TRPM2: variants seen among roughly 807,000 people sequenced by gnomAD.
TRPM2 encodes transient receptor potential cation channel subfamily M member 2.
Under a neutral mutation model 174.0 loss-of-function variants are expected in TRPM2, and 161 were observed. The observed-to-expected ratio is 0.93, with a 90% confidence interval of 0.81 to 1.05. The LOEUF (loss-of-function observed/expected upper bound fraction) is 1.05. Among genes scored for constraint, TRPM2 ranks in the 50% least tolerant of loss-of-function variants. The pLI, the probability that TRPM2 is intolerant of heterozygous loss-of-function variation, is 0.00. For synonymous variants in TRPM2, 954 were observed against 861.3 expected, an observed-to-expected ratio of 1.11 and a Z score of -1.88; for missense variants, 2,057 against 2,038.0, an observed-to-expected ratio of 1.01 and a Z score of -0.18.
Position 44,382,730 on chromosome 21 carries a change from G to A in TRPM2, c.1228G>A (p.Val410Ile), listed in dbSNP as rs758657148. Residue 410 changes from valine to isoleucine, a missense_variant, in exon 9 of 32, where the codon GTC becomes ATC. Physicochemically the swap from Val to Ile is conservative, Grantham distance 29 (BLOSUM62 3). Transcript: ENST00000397928. ...ATGCTTGTTGCAGATCCAAGATATC[G>A]TCCGGAGGCGGCAGCTGCTGACTGT... ...VEWTKKIQDIVRRRQLLTVFR... is the reference protein window; with the variant it reads ...VEWTKKIQDIIRRRQLLTVFR... 7.4e-6 allele frequency: 12 copies of A among 1,613,902 alleles called. No homozygotes were observed. The highest frequency in any genetic ancestry group is 2.2e-5 in the East Asian group (1 of 44,886).
At chr21:44,397,643 A>G in intron 12 of TRPM2, 104 bp from the exon 13 acceptor site, 1 of 1,324,606 alleles carries the variant, frequency 7.5e-7, no homozygotes, top group Non-Finnish European at 1.0e-6. Flanking sequence ...AGTGGCCCGC[A>G]CTGTCCCCGG....
At chr21:44,388,353 G>A (rs1396192412) in intron 9 of TRPM2, among the ~76,000 whole-genome samples, 1 of 152,178 alleles carries the variant, frequency 6.6e-6, no homozygotes, top group Non-Finnish European at 1.5e-5. Flanking sequence ...CCCTGGAGTA[G>A]TCAAATTCAT....
chr21:44,416,201 G>A (rs1180514341), intron 20 of TRPM2: 1 of 152,238 alleles, frequency 6.6e-6, no homozygotes, highest in East Asian at 1.9e-4. Flanking sequence ...GTGCTACCCA[G>A]GACTCTGAAA....
intron 18 of TRPM2, 67 bp from the exon 19 acceptor site, chr21:44,406,527 C>A: frequency 2.0e-6 from 3 of 1,523,118 alleles, no homozygotes; most frequent in Non-Finnish European, 2.6e-6. Context: ...CGCTGCTGGG[C>A]CTGCCTCTGG....
At chr21:44,398,391 G>C (rs887072919) in intron 13 of TRPM2, among the ~76,000 whole-genome samples, 3 of 151,994 alleles carry the variant, frequency 2.0e-5, no homozygotes, top group Non-Finnish European at 2.9e-5. Flanking sequence ...AATAGAGATG[G>C]GGTTTCATCA....
Position 44,413,981 on chromosome 21 carries a change from C to T in TRPM2, c.3053C>T (p.Pro1018Leu), listed in dbSNP as rs145947009. The T allele has an allele frequency of 4.9e-4, 797 of 1,613,950 alleles. 15 individuals carry two copies. In the East Asian group the frequency reaches 0.013, roughly 26 times the overall value. ...GAGAGCGACGCGACGCAGCAGAGGC[C>T]GGCCTTCCCTGAGTGGCTGACGGTC... Reference protein sequence around the residue: ...CPESDATQQRPAFPEWLTVLL... With the variant: ...CPESDATQQRLAFPEWLTVLL... The change falls in exon 20 of 32, where the codon CCG (proline) becomes CTG (leucine). Residue 1018 changes from proline to leucine, a missense_variant. Transcript: ENST00000397928.
At chr21:44,401,958 A>T (rs2049635474) in intron 16 of TRPM2, 61 bp downstream of exon 16, 2 of 1,583,432 alleles carry the variant, frequency 1.3e-6, no homozygotes, top group African/African-American at 2.7e-5. Flanking sequence ...CTGCATTCTC[A>T]TAGGGGACCC....
chr21:44,410,664 A>G (rs542740493), intron 19 of TRPM2, among the ~76,000 whole-genome samples: 2 of 57,240 alleles, frequency 3.5e-5, no homozygotes, highest in African/African-American at 5.2e-5. Context: ...TGTCTTGGTG[A>G]GCGTAGCCTT....
chr21:44,399,265 GC>G lies in TRPM2; in HGVS notation c.2063-30del. On this transcript the variant is annotated intron_variant, in intron 13 of 31. Transcript: ENST00000397928. This position sits in a 1 kb window ranked among gnomAD's most constrained non-coding sequence, Gnocchi z 4.6. ...CAGGGCTCAGTGATTGTGACCTGCT[GC>G]TCTGACGGGGCTCTCATATCTCCGC... 4.4e-6 allele frequency: 7 copies of G among 1,599,052 alleles called. No individual in the cohort carries two copies. The highest frequency in any genetic ancestry group is 6.0e-6 in the Non-Finnish European group (7 of 1,171,174).
At position 44,442,459 on chromosome 21, in the gene TRPM2, A is replaced by G. The variant is rs1199825698; in HGVS notation, c.*642A>G. ...CCCAGGGACCCTGGGACGAGGCTGC[A>G]GAAGCTCTCCCTCCCTACTCCCTGG... On this transcript the variant is annotated 3_prime_UTR_variant, in exon 32 of 32. Transcript: ENST00000397928. The G allele has an allele frequency of 1.3e-5, 2 of 152,284 alleles. No homozygotes were observed. Among genetic ancestry groups the G allele is most frequent in the African/African-American group, 4.8e-5 (2 of 41,476 alleles). 9.4% of individuals were successfully genotyped at this position (152,284 alleles called of 1,614,324 possible).
chr21:44,418,014 C>G lies in TRPM2; in HGVS notation c.3234C>G (p.Pro1078=), dbSNP rs144487473. The change falls in exon 21 of 32, where the codon CCC becomes CCG. Residue 1078 remains proline (P), a synonymous_variant. Transcript: ENST00000397928. ...HDLIEEYHGR[P]AAPPPFILLS... ...TGATCGAGGAGTACCACGGCCGCCC[C>G]GCCGCGCCGCCCCCCTTCATCCTCC... is the stretch of plus-strand genomic sequence containing the variant. 1.2e-6 allele frequency: 2 copies of G among 1,612,998 alleles called. No individual in the cohort carries two copies. Among genetic ancestry groups the G allele is most frequent in the East Asian group, 4.5e-5 (2 of 44,874 alleles).
At chr21:44,384,108 C>A (rs2048956098) in intron 9 of TRPM2, among the ~76,000 whole-genome samples, 1 of 152,012 alleles carries the variant, frequency 6.6e-6, no homozygotes, top group Non-Finnish European at 1.5e-5. Context: ...ACACATTTAG[C>A]TAACTGGACT....
Position 44,397,815 on chromosome 21 carries a change from G to A in TRPM2, c.2001G>A (p.Glu667=), listed in dbSNP as rs199934335. 62 of 1,608,518 alleles carry A rather than the reference G, an allele frequency of 3.9e-5. No homozygotes were observed. Among genetic ancestry groups the A allele is most frequent in the Admixed American group, 3.5e-4 (21 of 59,596 alleles). ...KILKELSKEE[E]DTDSSEEMLA... is the part of the protein sequence containing the mutation. ...TGAAGGAACTGTCCAAGGAGGAGGAGGACACGGACAGCTCGGAGGAGATGC... is the reference window on the plus strand; with the variant it reads ...TGAAGGAACTGTCCAAGGAGGAGGAAGACACGGACAGCTCGGAGGAGATGC... The change falls in exon 13 of 32, where the codon GAG becomes GAA. Residue 667 remains glutamate, a synonymous_variant. Transcript: ENST00000397928.
In TRPM2 at chr21:44,373,540, C is replaced by T. The variant is rs1292757466; in HGVS notation, c.772-2293C>T. ...CGAACAGTGAATCTCTTTTCATTTT[C>T]TGCATTATATGCGACCTGCATTATA... On this transcript the variant is annotated intron_variant, in intron 5 of 31. Coordinates refer to ENST00000397928, the MANE Select transcript of TRPM2 (RefSeq NM_003307.4). Among the ~76,000 whole-genome samples the T allele has an allele frequency of 2.9e-5, 3 of 103,196 alleles. No homozygotes were observed. In the East Asian group the frequency reaches 8.1e-4, roughly 28 times the overall value. The allele number at this position is 103,196 out of a possible 152,430, so 67.7% of individuals were successfully genotyped here. A position where few individuals can be genotyped will look rare whatever the true frequency, so the allele number is the denominator to read the frequency against.
At position 44,391,237 on chromosome 21, in the gene TRPM2, A is replaced by G. The variant is rs373421335; in HGVS notation, c.1441-35A>G. 3.3e-4 allele frequency: 520 copies of G among 1,585,344 alleles called. 1 individual carries two copies. Among genetic ancestry groups the G allele is most frequent in the Non-Finnish European group, 4.1e-4 (475 of 1,161,030 alleles). The stretch of plus-strand genomic sequence containing the variant: ...ATCAGGATGACATGGGGTGATGACC[A>G]AATGCAACCGTCACTGCACAATGCT... On this transcript the variant is annotated intron_variant, in intron 10 of 31. Transcript: ENST00000397928. This position sits in a 1 kb window ranked among gnomAD's most constrained non-coding sequence, Gnocchi z 5.0.
intron 9 of TRPM2, among the ~76,000 whole-genome samples, chr21:44,389,825 T>C (rs558189208): frequency 5.4e-4 from 82 of 152,304 alleles, no homozygotes; most frequent in South Asian, 1.7e-3. Flanking sequence ...GTGTGTAGTT[T>C]CCTTTCATAT....
intron 27 of TRPM2, among the ~76,000 whole-genome samples, chr21:44,428,708 TGTGGCTCCTCCCTG>T (rs1407521148): frequency 0.087 from 2,641 of 30,350 alleles, 67 homozygotes; most frequent in Non-Finnish European, 0.18. Context: ...TCCCCTGAGA[TGTGGCTCCTCCCTG>T]AGGTGTGGCT....
chr21:44,419,911 A>C (rs1284261764), intron 22 of TRPM2, among the ~76,000 whole-genome samples: 1 of 121,970 alleles, frequency 8.2e-6, no homozygotes, highest in African/African-American at 3.2e-5. Context: ...TGATGGTGAC[A>C]GTGGTGGTAG....
chr21:44,357,298 C>T (rs1039468769), intron 2 of TRPM2, among the ~76,000 whole-genome samples: 4 of 152,196 alleles, frequency 2.6e-5, no homozygotes, highest in Admixed American at 2.0e-4. Flanking sequence ...AAGTGGAAAC[C>T]CTTGGGGCAG....
Sources: allele counts gnomAD v4.1 joint callset (sites outside exome capture counted in the v4.1 genomes callset), GRCh38; gene constraint gnomAD v4.1.1; non-coding constraint Gnocchi (gnomAD v3.1); transcripts MANE v1.5; gene names NCBI Gene and HGNC (gene_info 2026-07-23, HGNC 2026-07-21).